The following UBE2E2 variants were observed in gnomAD, a reference collection of about 807,000 sequenced individuals.
UBE2E2 encodes ubiquitin-conjugating enzyme E2 E2.
In UBE2E2, 6 loss-of-function variants were observed where a neutral mutation model predicts 24.7. The ratio of observed to expected loss-of-function variants is 0.24; its 90% CI spans 0.13 to 0.48. UBE2E2 has a LOEUF of 0.48. Among genes scored for constraint, UBE2E2 ranks in the 20% least tolerant of loss-of-function variants. The pLI is 0.99. For synonymous variants in UBE2E2, 104 were observed against 83.6 expected (o/e 1.24, Z -1.33); for missense variants, 169 against 245.0 (o/e 0.69, Z 2.07).
intron 3 of UBE2E2, among the ~76,000 whole-genome samples, chr3:23,223,951 G>A (rs545062273): frequency 2.0e-5 from 3 of 152,216 alleles, no homozygotes; most frequent in South Asian, 2.1e-4. Context: ...AGATAAGGTG[G>A]CTGTAAATGC....
In UBE2E2 at chr3:23,407,647, A is replaced by ATGTG. The variant is rs71974866; in HGVS notation, c.228-91921_228-91918dup. Reference sequence around the variant, plus strand: ...TGTGTGTTTGTGTGTGCATGCGTGCATGTGTGTGTGTGTGTGTGTGTGTGT... The same window carrying ATGTG: ...TGTGTGTTTGTGTGTGCATGCGTGCATGTGTGTGTGTGTGTGTGTGTGTGTGTGT... On this transcript the variant is annotated intron_variant, in intron 3 of 5. Transcript: ENST00000396703. The surrounding 1 kb of genome is among the most constrained non-coding windows in gnomAD (Gnocchi z 4.0). Among the ~76,000 whole-genome samples, 2,141 of 138,056 alleles carry ATGTG rather than the reference A, an allele frequency of 0.016. 13 individuals carry two copies. Among genetic ancestry groups the ATGTG allele is most frequent in the Middle Eastern group, 0.026 (7 of 270 alleles). The allele number at this position is 138,056 out of a possible 152,430, so 90.6% of individuals were successfully genotyped here. A position where few individuals can be genotyped will look rare whatever the true frequency, so the allele number is the denominator to read the frequency against.
At chr3:23,220,992 T>C (rs1379096945) in intron 3 of UBE2E2, among the ~76,000 whole-genome samples, 4 of 152,192 alleles carry the variant, frequency 2.6e-5, no homozygotes, top group Non-Finnish European at 5.9e-5. Flanking sequence ...GATAACTTGC[T>C]CCTCTGTATC....
At chr3:23,226,561 G>C (rs144749818) in intron 3 of UBE2E2, among the ~76,000 whole-genome samples, 1,760 of 152,298 alleles carry the variant, frequency 0.012, 17 homozygotes, top group Middle Eastern at 0.02. Flanking sequence ...TTTAAGGAGG[G>C]ATGTGAACTT....
intron 3 of UBE2E2, among the ~76,000 whole-genome samples, chr3:23,339,812 A>T (rs988599513): frequency 6.6e-6 from 1 of 152,116 alleles, no homozygotes; most frequent in Non-Finnish European, 1.5e-5. Flanking sequence ...CTTGAAATAC[A>T]GTAATTGCAC....
chr3:23,368,714 CCTT>C (rs766925937), intron 3 of UBE2E2, among the ~76,000 whole-genome samples: 26 of 152,060 alleles, frequency 1.7e-4, no homozygotes, highest in Middle Eastern at 3.4e-3. Flanking sequence ...CACAAATACT[CCTT>C]CTTCAGCAGA....
intron 3 of UBE2E2, among the ~76,000 whole-genome samples, chr3:23,386,406 G>T (rs1323892674): frequency 2.6e-5 from 4 of 152,092 alleles, no homozygotes; most frequent in African/African-American, 9.7e-5. Context: ...TCAGGTTGGG[G>T]GTTAAGATCT....
chr3:23,506,278 C>A (rs1227688430), intron 4 of UBE2E2, among the ~76,000 whole-genome samples: 1 of 152,166 alleles, frequency 6.6e-6, no homozygotes, highest in East Asian at 1.9e-4. Flanking sequence ...TATTTGACAT[C>A]TCTAGTTGAA....
intron 5 of UBE2E2, among the ~76,000 whole-genome samples, chr3:23,584,701 A>C: frequency 6.7e-6 from 1 of 149,382 alleles, no homozygotes; most frequent in Non-Finnish European, 1.5e-5. Flanking sequence ...CCACAGGTAC[A>C]TGCCACCACA....
chr3:23,302,288 A>G (rs1218555093), intron 3 of UBE2E2, among the ~76,000 whole-genome samples: 3 of 152,218 alleles, frequency 2.0e-5, no homozygotes, highest in Admixed American at 6.5e-5. Context: ...CAGAGACTAT[A>G]TAATATTTCC....
chr3:23,430,400 C>T (rs1698031781), intron 3 of UBE2E2, among the ~76,000 whole-genome samples: 1 of 151,964 alleles, frequency 6.6e-6, no homozygotes, highest in Non-Finnish European at 1.5e-5. Flanking sequence ...GTAACACTAC[C>T]TACCTCATAG....
At chr3:23,260,223 A>T (rs1697859138) in intron 3 of UBE2E2, among the ~76,000 whole-genome samples, 1 of 152,202 alleles carries the variant, frequency 6.6e-6, no homozygotes. Context: ...GCAATTTAAA[A>T]ACAGTATTGT....
intron 3 of UBE2E2, among the ~76,000 whole-genome samples, chr3:23,469,316 A>T (rs1698986914): frequency 6.6e-6 from 1 of 152,234 alleles, no homozygotes. Flanking sequence ...TACATCAGTC[A>T]TCTCAGAGAG....
At chr3:23,362,896 G>C (rs1313376794) in intron 3 of UBE2E2, among the ~76,000 whole-genome samples, 1 of 150,518 alleles carries the variant, frequency 6.6e-6, no homozygotes, top group Non-Finnish European at 1.5e-5. Flanking sequence ...AGAGAGAAGG[G>C]GTAGGTCACC....
chr3:23,559,337 C>T (rs997831248), intron 5 of UBE2E2, among the ~76,000 whole-genome samples: 28 of 152,072 alleles, frequency 1.8e-4, no homozygotes, highest in African/African-American at 6.8e-4. Flanking sequence ...AGGCATTAAA[C>T]ATCCTGGTTT....
intron 3 of UBE2E2, among the ~76,000 whole-genome samples, chr3:23,404,282 A>G (rs1297959483): frequency 1.3e-5 from 2 of 152,304 alleles, no homozygotes; most frequent in African/African-American, 2.4e-5. Flanking sequence ...TATGACTGCA[A>G]TAAGATTTGA....
chr3:23,541,042 A>G (rs900661585), intron 5 of UBE2E2, among the ~76,000 whole-genome samples: 2 of 152,270 alleles, frequency 1.3e-5, no homozygotes, highest in Admixed American at 6.5e-5. Flanking sequence ...CTGAAACAGC[A>G]TAATAAAACA....
At chr3:23,564,056 A>G (rs895862306) in intron 5 of UBE2E2, among the ~76,000 whole-genome samples, 2 of 152,072 alleles carry the variant, frequency 1.3e-5, no homozygotes, top group African/African-American at 2.4e-5. Flanking sequence ...TACCATTCCT[A>G]AGAACAACCA....
chr3:23,380,248 C>G (rs1218412979), intron 3 of UBE2E2, among the ~76,000 whole-genome samples: 2 of 152,108 alleles, frequency 1.3e-5, no homozygotes, highest in African/African-American at 4.8e-5. Context: ...GAGACAGGGT[C>G]TTGCTCTGTC....
chr3:23,218,132 A>G (rs1559443152), intron 3 of UBE2E2, among the ~76,000 whole-genome samples: 1 of 152,166 alleles, frequency 6.6e-6, no homozygotes, highest in African/African-American at 2.4e-5. Context: ...AATTTTCCCA[A>G]CGTTGAACGC....
Sources: allele counts gnomAD v4.1 joint callset (sites outside exome capture counted in the v4.1 genomes callset), GRCh38; gene constraint gnomAD v4.1.1; non-coding constraint Gnocchi (gnomAD v3.1); transcripts MANE v1.5; gene names NCBI Gene and HGNC (gene_info 2026-07-23, HGNC 2026-07-21).